The following AOPEP variants were observed in gnomAD, a reference collection of about 807,000 sequenced individuals.
AOPEP encodes the protein aminopeptidase O (putative).
A neutral mutation model predicts 98.1 loss-of-function variants in AOPEP; 77 were observed. That is an observed-to-expected ratio of 0.78 (90% CI 0.65 to 0.95). The LOEUF is 0.95. Ranked by LOEUF, AOPEP falls within the 40% of genes least tolerant of loss-of-function variation. AOPEP has a pLI of 0.00. For missense variants in AOPEP, 1,024 were observed against 1,024.7 expected (o/e 1.00, Z 0.01); for synonymous variants, 346 against 365.3 (o/e 0.95, Z 0.60).
intron 10 of AOPEP, among the ~76,000 whole-genome samples, chr9:94,969,383 C>T (rs1193902830): frequency 1.3e-5 from 2 of 151,200 alleles, no homozygotes; most frequent in East Asian, 1.9e-4. Context: ...TTGATTTAGG[C>T]GTTAAAAAGT....
intron 4 of AOPEP, 26 bp downstream of exon 4, chr9:94,792,944 A>G: frequency 6.4e-7 from 1 of 1,557,974 alleles, no homozygotes; most frequent in Non-Finnish European, 8.7e-7. Context: ...CTTGCTGGGA[A>G]GGAAAAAAAA....
intron 5 of AOPEP, among the ~76,000 whole-genome samples, chr9:94,917,156 G>C (rs564626992): frequency 6.6e-6 from 1 of 152,282 alleles, no homozygotes; most frequent in African/African-American, 2.4e-5. Context: ...CGTATGCAGG[G>C]CTGAGGTCTC....
chr9:94,884,902 G>A (rs953363685), intron 5 of AOPEP, among the ~76,000 whole-genome samples: 1 of 150,228 alleles, frequency 6.7e-6, no homozygotes, highest in Non-Finnish European at 1.5e-5. Context: ...CCAGCTACTC[G>A]GGAGGCTGAG....
At chr9:94,931,898 T>C (rs897873437) in intron 7 of AOPEP, 24 of 1,213,564 alleles carry the variant, frequency 2.0e-5, no homozygotes, top group Non-Finnish European at 2.7e-5. Context: ...CTCACCTCTC[T>C]TGCTGGCAGG....
intron 11 of AOPEP, among the ~76,000 whole-genome samples, chr9:95,002,494 T>G (rs2061627666): frequency 6.6e-6 from 1 of 152,178 alleles, no homozygotes; most frequent in Non-Finnish European, 1.5e-5. Flanking sequence ...TAATAATGTA[T>G]CAATATTGGT....
At chr9:94,736,057 A>T (rs1831686371) in intron 1 of AOPEP, among the ~76,000 whole-genome samples, 1 of 152,128 alleles carries the variant, frequency 6.6e-6, no homozygotes, top group Admixed American at 6.5e-5. Context: ...CATTTTGTTG[A>T]TCCATTCATC....
chr9:94,926,273 A>T (rs771843645), intron 6 of AOPEP, among the ~76,000 whole-genome samples: 1 of 152,120 alleles, frequency 6.6e-6, no homozygotes, highest in Non-Finnish European at 1.5e-5. Context: ...AACACTAAAT[A>T]TTGTCAGAAT....
the AOPEP span, among the ~76,000 whole-genome samples, chr9:95,105,889 G>A: frequency 3.3e-5 from 5 of 152,142 alleles, no homozygotes. Flanking sequence ...AGGCGTTTAG[G>A]CCATCTCTGC....
chr9:94,838,270 A>G lies in AOPEP; in HGVS notation c.1364+37268A>G, dbSNP rs1285084566. On this transcript the variant is annotated intron_variant, in intron 5 of 16. Coordinates refer to ENST00000375315, the MANE Select transcript of AOPEP (RefSeq NM_001193329.3). ...GTGATCTGCCTGCCTCGGCCTCCCA[A>G]ATTGGTGGGTTACAGGCGTGAGCCA... 2.0e-5 allele frequency among the ~76,000 whole-genome samples: 3 copies of G among 152,302 alleles called. 1 individual carries two copies. The highest frequency in any genetic ancestry group is 2.1e-4 in the South Asian group (1 of 4,826).
intron 1 of AOPEP, among the ~76,000 whole-genome samples, chr9:94,739,868 C>T (rs1473015874): frequency 2.6e-5 from 4 of 152,058 alleles, no homozygotes; most frequent in Admixed American, 6.5e-5. Flanking sequence ...GAAAGAACCA[C>T]GAGAGCCCTC....
At chr9:94,875,259 G>A (rs1370887583) in intron 5 of AOPEP, among the ~76,000 whole-genome samples, 1 of 141,568 alleles carries the variant, frequency 7.1e-6, no homozygotes, top group African/African-American at 2.6e-5. Flanking sequence ...TTCACTTCCA[G>A]TTAAAGAATG....
chr9:94,859,110 CTG>C (rs1394408343), intron 5 of AOPEP, among the ~76,000 whole-genome samples: 1 of 151,704 alleles, frequency 6.6e-6, no homozygotes, highest in African/African-American at 2.4e-5. Flanking sequence ...GAGTGAGACT[CTG>C]TCTCAAAGCA....
the AOPEP span, among the ~76,000 whole-genome samples, chr9:95,129,823 C>T: frequency 1.3e-5 from 2 of 152,252 alleles, no homozygotes; most frequent in South Asian, 2.1e-4. Flanking sequence ...GACTAGGGAG[C>T]GAAGATGGAG....
intron 14 of AOPEP, among the ~76,000 whole-genome samples, chr9:95,080,470 C>T (rs538169123): frequency 4.6e-5 from 7 of 152,216 alleles, no homozygotes; most frequent in South Asian, 2.1e-4. Flanking sequence ...TGAGCCAGAT[C>T]GTGCCACTGC....
At chr9:95,050,249 G>A (rs1163176375) in intron 13 of AOPEP, among the ~76,000 whole-genome samples, 2 of 152,210 alleles carry the variant, frequency 1.3e-5, no homozygotes, top group Non-Finnish European at 2.9e-5. Flanking sequence ...TCTGTCCTAT[G>A]TAATGTAGGA....
At chr9:94,960,333 C>T (rs1437764494) in intron 9 of AOPEP, among the ~76,000 whole-genome samples, 1 of 151,742 alleles carries the variant, frequency 6.6e-6, no homozygotes, top group African/African-American at 2.4e-5. Flanking sequence ...ATAGCTTGAA[C>T]CCAGGAGGCG....
chr9:94,962,451 G>C (rs1323005213), intron 9 of AOPEP, among the ~76,000 whole-genome samples: 1 of 152,200 alleles, frequency 6.6e-6, no homozygotes, highest in Non-Finnish European at 1.5e-5. Context: ...CGGTGCAGAG[G>C]GAGAGTTAGA....
chr9:94,744,670 C>T (rs1834032563), intron 1 of AOPEP, among the ~76,000 whole-genome samples: 1 of 133,298 alleles, frequency 7.5e-6, no homozygotes, highest in South Asian at 2.3e-4. Context: ...CATTGCACTC[C>T]AGCCTGGGCA....
At position 94,972,290 on chromosome 9, in the gene AOPEP, CTGAA is replaced by C. The variant is rs1338972376; in HGVS notation, c.1916+4492_1916+4495del. On this transcript the variant is annotated intron_variant, in intron 10 of 16. Coordinates refer to ENST00000375315, the MANE Select transcript of AOPEP (RefSeq NM_001193329.3). This position sits in a 1 kb window ranked among gnomAD's most constrained non-coding sequence, Gnocchi z 4.2. ...GCAGGAGGGCAGGTGTTTGGGGAGT[CTGAA>C]TGGGGCAGAGGGAGTGAAAGGGACG... Among the ~76,000 whole-genome samples the C allele has an allele frequency of 6.6e-6, 1 of 152,076 alleles. No homozygotes were observed.
Sources: allele counts gnomAD v4.1 joint callset (sites outside exome capture counted in the v4.1 genomes callset), GRCh38; gene constraint gnomAD v4.1.1; non-coding constraint Gnocchi (gnomAD v3.1); transcripts MANE v1.5; gene names NCBI Gene and HGNC (gene_info 2026-07-23, HGNC 2026-07-21).